Variants in BCKDK observed in about 807,000 individuals in gnomAD.
BCKDK encodes the protein branched chain keto acid dehydrogenase kinase, also known as branched-chain alpha-ketoacid dehydrogenase kinase.
Under a neutral mutation model 43.9 loss-of-function variants are expected in BCKDK, and 28 were observed. That is an observed-to-expected ratio of 0.64 (90% CI 0.47 to 0.87). BCKDK has a LOEUF of 0.87. Ranked by LOEUF, BCKDK falls within the 40% of genes least tolerant of loss-of-function variation. The pLI, the probability that BCKDK is intolerant of heterozygous loss-of-function variation, is 0.00. For missense variants in BCKDK, 483 were observed against 581.4 expected, an observed-to-expected ratio of 0.83 and a Z score of 1.74; for synonymous variants, 257 against 234.3, an observed-to-expected ratio of 1.10 and a Z score of -0.88.
chr16:31,116,395 T>C (rs932937665), downstream of BCKDK, among the ~76,000 whole-genome samples: 37 of 149,512 alleles, frequency 2.5e-4, no homozygotes, highest in African/African-American at 9.1e-4. Flanking sequence ...GTATTTTTAG[T>C]AGAGACGGAG....
At position 31,110,124 on chromosome 16, in the gene BCKDK, G is replaced by C. The variant is rs371525409; in HGVS notation, c.423G>C (p.Pro141=). The C allele has an allele frequency of 4.3e-6, 7 of 1,614,158 alleles. No individual in the cohort carries two copies. The highest frequency in any genetic ancestry group is 5.9e-6 in the Non-Finnish European group (7 of 1,180,030). The change falls in exon 5 of 12, where the codon CCG becomes CCC. Residue 141 remains proline (P), a splice_region_variant and synonymous_variant. Transcript: ENST00000219794. This position sits in a 1 kb window ranked among gnomAD's most constrained non-coding sequence, Gnocchi z 5.4. ...TCCAGAAGCTGACAGACTTCCCTCC[G>C]GTGAGTGCTGGGCCAGAGCAGGGTG... ...RAFQKLTDFP[P]IKDQADEAQY... is the part of the protein sequence containing the mutation.
Position 31,110,425 on chromosome 16 carries a change from T to C in BCKDK, c.568T>C (p.Leu190=). ...GGATGAAAAGCTCGTCCGCTACTTCTTGGACAAGACGCTGACTTCGAGGCT... is the reference window on the plus strand; with the variant it reads ...GGATGAAAAGCTCGTCCGCTACTTCCTGGACAAGACGCTGACTTCGAGGCT... ...IEDEKLVRYF[L]DKTLTSRLGI... is the part of the protein sequence containing the mutation. Residue 190 remains leucine (L), a synonymous_variant, in exon 7 of 12, where the codon TTG becomes CTG. Coordinates refer to ENST00000219794, the MANE Select transcript of BCKDK (RefSeq NM_005881.4). The surrounding 1 kb of genome is among the most constrained non-coding windows in gnomAD (Gnocchi z 5.4). 1 of 1,613,930 alleles carries C rather than the reference T, an allele frequency of 6.2e-7. No homozygotes were observed. Among genetic ancestry groups the C allele is most frequent in the Non-Finnish European group, 8.5e-7 (1 of 1,180,032 alleles).
At position 31,110,938 on chromosome 16, in the gene BCKDK, C is replaced by G; in HGVS notation, c.717-153C>G. 7.3e-7 allele frequency: 1 copy of G among 1,374,988 alleles called. No individual in the cohort carries two copies. Among genetic ancestry groups the G allele is most frequent in the Non-Finnish European group, 1.0e-6 (1 of 1,000,058 alleles). 85.2% of individuals were successfully genotyped at this position (1,374,988 alleles called of 1,614,324 possible). On this transcript the variant is annotated intron_variant, in intron 8 of 11. Coordinates refer to ENST00000219794, the MANE Select transcript of BCKDK (RefSeq NM_005881.4). The surrounding 1 kb of genome is among the most constrained non-coding windows in gnomAD (Gnocchi z 5.4). ...GCTGCCCCGTGCACGTTAGGAAGTT[C>G]AGCAGCATCCCTGGCGCCAGCAGTA...
Position 31,109,253 on chromosome 16 carries a change from T to TC in BCKDK, c.33dup (p.Gly12ArgfsTer116). The TC allele has an allele frequency of 6.5e-7, 1 of 1,544,194 alleles. No individual in the cohort carries two copies. Among genetic ancestry groups the TC allele is most frequent in the Non-Finnish European group, 8.7e-7 (1 of 1,147,072 alleles). On this transcript the variant is annotated frameshift_variant, in exon 2 of 12. Transcript: ENST00000219794. LOFTEE classifies it high-confidence loss of function. This position sits in a 1 kb window ranked among gnomAD's most constrained non-coding sequence, Gnocchi z 5.3. ...TCCTGGCGTCGGTGCTGAGGAGCGG[T>TC]CCCGGGGGCGGGCTTCCGCTCCGGC...
Position 31,109,201 on chromosome 16 carries a change from C to T in BCKDK, c.-23C>T, listed in dbSNP as rs973125808. Reference sequence around the variant, plus strand: ...AGCGGATCCTCAGTCCTAGCGGCCACCGGGTCTGAAAGGAGCAAGACGATG... The same window carrying T: ...AGCGGATCCTCAGTCCTAGCGGCCATCGGGTCTGAAAGGAGCAAGACGATG... On this transcript the variant is annotated 5_prime_UTR_variant, in exon 2 of 12. Coordinates refer to ENST00000219794, the MANE Select transcript of BCKDK (RefSeq NM_005881.4). The surrounding 1 kb of genome is among the most constrained non-coding windows in gnomAD (Gnocchi z 5.3). The T allele has an allele frequency of 4.0e-6, 6 of 1,494,868 alleles. No homozygotes were observed. Among genetic ancestry groups the T allele is most frequent in the Non-Finnish European group, 5.3e-6 (6 of 1,126,638 alleles). The allele number at this position is 1,494,868 out of a possible 1,614,324, so 92.6% of individuals were successfully genotyped here.
chr16:31,111,726 A>G lies in BCKDK; in HGVS notation c.936-143A>G, dbSNP rs149677094. On this transcript the variant is annotated intron_variant, in intron 10 of 11. Coordinates refer to ENST00000219794, the MANE Select transcript of BCKDK (RefSeq NM_005881.4). ...GCCCTGGCAGGGGTGAGGATGATAT[A>G]AACAAGGCCCAAGGGTCTAGGTGGA... 1.1e-4 allele frequency: 120 copies of G among 1,130,556 alleles called. No homozygotes were observed. In the African/African-American group the frequency reaches 1.6e-3, roughly 15 times the overall value. The allele number at this position is 1,130,556 out of a possible 1,614,324, so 70.0% of individuals were successfully genotyped here.
In BCKDK at chr16:31,112,252, G is replaced by A. The variant is rs2057419367; in HGVS notation, c.1226G>A (p.Ser409Asn). The A allele has an allele frequency of 6.2e-7, 1 of 1,609,394 alleles. No individual in the cohort carries two copies. Among genetic ancestry groups the A allele is most frequent in the African/African-American group, 1.3e-5 (1 of 74,946 alleles). Reference sequence around the variant, plus strand: ...CGCCACATCGATGGCCGGGAGGAAAGCTTCCGGATCTGACCCCACAGCCTT... The same window carrying A: ...CGCCACATCGATGGCCGGGAGGAAAACTTCCGGATCTGACCCCACAGCCTT... The part of the protein sequence containing the change: ...RLRHIDGREE[S>N]FRI Residue 409 changes from serine to asparagine, a missense_variant, in exon 12 of 12, where the codon AGC becomes AAC. Transcript: ENST00000219794. This position sits in a 1 kb window ranked among gnomAD's most constrained non-coding sequence, Gnocchi z 5.0.
chr16:31,117,432 A>G (rs1277804187), downstream of BCKDK: 1 of 382,410 alleles, frequency 2.6e-6, no homozygotes, highest in East Asian at 3.7e-5. Context: ...TCATCGCATG[A>G]GGTAAGTCTG....
At chr16:31,114,661 C>T (rs571350773), downstream of BCKDK, among the ~76,000 whole-genome samples, 7 of 152,252 alleles carry the variant, frequency 4.6e-5, no homozygotes, top group Admixed American at 1.3e-4. Flanking sequence ...AGTACCTACC[C>T]GGTCTGGCAC....
In BCKDK at chr16:31,110,325, G is replaced by A. The variant is rs1470007265; in HGVS notation, c.543+1G>A. ...ACGTGAGAGCCGGAAGCACATAGAG[G>A]TTGGGGCAGCAAAGGAGAGGCCGGG... On this transcript the variant is annotated splice_donor_variant, in intron 6 of 11. Transcript: ENST00000219794. LOFTEE classifies it high-confidence loss of function. This position sits in a 1 kb window ranked among gnomAD's most constrained non-coding sequence, Gnocchi z 5.4. 6.2e-7 allele frequency: 1 copy of A among 1,614,056 alleles called. No individual in the cohort carries two copies. Among genetic ancestry groups the A allele is most frequent in the East Asian group, 2.2e-5 (1 of 44,886 alleles).
Position 31,111,182 on chromosome 16 carries a change from G to C in BCKDK, c.808G>C (p.Asp270His). The change falls in exon 9 of 12, where the codon GAC becomes CAC. Residue 270 changes from aspartate to histidine, a missense_variant. By Grantham distance (81) the Asp-to-His change is moderately conservative. Coordinates refer to ENST00000219794, the MANE Select transcript of BCKDK (RefSeq NM_005881.4). ...ARFPFIPMPL[D>H]YILPELLKNA... ...GTTCCCCTTCATCCCTATGCCACTG[G>C]ACTACATCCTGCCGGAGCTGCTCAA... 1.2e-6 allele frequency: 2 copies of C among 1,614,172 alleles called. No homozygotes were observed. Among genetic ancestry groups the C allele is most frequent in the East Asian group, 4.5e-5 (2 of 44,886 alleles).
At position 31,110,622 on chromosome 16, in the gene BCKDK, G is replaced by A. The variant is rs573728679; in HGVS notation, c.643-66G>A. 7.0e-5 allele frequency: 111 copies of A among 1,594,896 alleles called. 1 individual carries two copies. The African/African-American group carries it at 1.1e-3, about 16-fold the overall frequency. ...GGGGCTGGTGCTTTGGGGCAGTTCC[G>A]AAGTTGCCAGCATCTTGGGGTGGGG... On this transcript the variant is annotated intron_variant, in intron 7 of 11. Coordinates refer to ENST00000219794, the MANE Select transcript of BCKDK (RefSeq NM_005881.4). The surrounding 1 kb of genome is among the most constrained non-coding windows in gnomAD (Gnocchi z 5.4).
chr16:31,109,322 G>A lies in BCKDK; in HGVS notation c.99G>A (p.Ser33=), dbSNP rs769637824. The A allele has an allele frequency of 1.1e-5, 18 of 1,608,574 alleles. No homozygotes were observed. The highest frequency in any genetic ancestry group is 1.4e-5 in the Non-Finnish European group (17 of 1,177,382). Residue 33 remains serine (S), a synonymous_variant, in exon 2 of 12, where the codon TCG becomes TCA. Coordinates refer to ENST00000219794, the MANE Select transcript of BCKDK (RefSeq NM_005881.4). The surrounding 1 kb of genome is among the most constrained non-coding windows in gnomAD (Gnocchi z 5.3). ...TCGCGCTCCGGGCCCGCTCGACGTC[G>A]GCCACCGACACACACCACGTGGAGA... ...PALALRARST[S]ATDTHHVEMA... is the part of the protein sequence containing the mutation.
Position 31,109,141 on chromosome 16 carries a change from T to G in BCKDK, c.-83T>G. On this transcript the variant is annotated 5_prime_UTR_variant, in exon 2 of 12. Transcript: ENST00000219794. This position sits in a 1 kb window ranked among gnomAD's most constrained non-coding sequence, Gnocchi z 5.3. The stretch of plus-strand genomic sequence containing the variant: ...AGAGCCCCTACCCACCCACACCCCC[T>G]TGCCCCATTTTGGGTCGCCTGGGTC... 11 of 626,470 alleles carry G rather than the reference T, an allele frequency of 1.8e-5. No individual in the cohort carries two copies. The highest frequency in any genetic ancestry group is 5.1e-5 in the East Asian group (1 of 19,418). The allele number at this position is 626,470 out of a possible 1,614,324, so 38.8% of individuals were successfully genotyped here. A position where few individuals can be genotyped will look rare whatever the true frequency, so the allele number is the denominator to read the frequency against.
At position 31,108,948 on chromosome 16, in the gene BCKDK, G is replaced by A. The variant is rs1350519853; in HGVS notation, c.-177-99G>A. 1.3e-5 allele frequency: 4 copies of A among 317,506 alleles called. No individual in the cohort carries two copies. Among genetic ancestry groups the A allele is most frequent in the African/African-American group, 8.6e-5 (4 of 46,508 alleles). 19.7% of individuals were successfully genotyped at this position (317,506 alleles called of 1,614,324 possible). A position where few individuals can be genotyped will look rare whatever the true frequency, so the allele number is the denominator to read the frequency against. ...GGGGAGACGGTGGGAGTGGTGGGGA[G>A]AGGTCGCCCGGGTCTGGGGAGACCG... On this transcript the variant is annotated intron_variant, in intron 1 of 11. Transcript: ENST00000219794. The surrounding 1 kb of genome is among the most constrained non-coding windows in gnomAD (Gnocchi z 6.2).
chr16:31,109,333 C>G lies in BCKDK; in HGVS notation c.110C>G (p.Thr37Arg), dbSNP rs1370614738. The change falls in exon 2 of 12, where the codon ACA becomes AGA. Residue 37 changes from threonine to arginine, a missense_variant. Physicochemically the swap from Thr to Arg is moderately conservative, Grantham distance 71. Coordinates refer to ENST00000219794, the MANE Select transcript of BCKDK (RefSeq NM_005881.4). This position sits in a 1 kb window ranked among gnomAD's most constrained non-coding sequence, Gnocchi z 5.3. ...LRARSTSATDTHHVEMARERS... is the reference protein window; with the variant it reads ...LRARSTSATDRHHVEMARERS... Reference sequence around the variant, plus strand: ...GCCCGCTCGACGTCGGCCACCGACACACACCACGTGGAGATGGCTCGGGAG... The same window carrying G: ...GCCCGCTCGACGTCGGCCACCGACAGACACCACGTGGAGATGGCTCGGGAG... The G allele has an allele frequency of 6.2e-7, 1 of 1,610,210 alleles. No homozygotes were observed. Among genetic ancestry groups the G allele is most frequent in the South Asian group, 1.1e-5 (1 of 90,904 alleles).
In BCKDK at chr16:31,112,383, C is replaced by G; in HGVS notation, c.*118C>G. On this transcript the variant is annotated 3_prime_UTR_variant, in exon 12 of 12. Transcript: ENST00000219794. The surrounding 1 kb of genome is among the most constrained non-coding windows in gnomAD (Gnocchi z 5.0). ...ACTGCTGCATCTTGGGTCTCAGGGA[C>G]CCAGACAGATGGACTTACATGGAGC... The G allele has an allele frequency of 1.3e-6, 2 of 1,492,856 alleles. No homozygotes were observed. Among genetic ancestry groups the G allele is most frequent in the Non-Finnish European group, 1.8e-6 (2 of 1,093,284 alleles). 92.5% of individuals were successfully genotyped at this position (1,492,856 alleles called of 1,614,324 possible). A position where few individuals can be genotyped will look rare whatever the true frequency, so the allele number is the denominator to read the frequency against.
rs1414828775 is a variant in BCKDK at position 31,109,257 on chromosome 16, G to A, written c.34G>A (p.Gly12Arg). ...GGCGTCGGTGCTGAGGAGCGGTCCC[G>A]GGGGCGGGCTTCCGCTCCGGCCCCT... ...ILASVLRSGPGGGLPLRPLLG... is the reference protein window; with the variant it reads ...ILASVLRSGPRGGLPLRPLLG... Residue 12 changes from glycine (G) to arginine (R), a missense_variant, in exon 2 of 12, where the codon GGG (glycine) becomes AGG (arginine). Coordinates refer to ENST00000219794, the MANE Select transcript of BCKDK (RefSeq NM_005881.4). The surrounding 1 kb of genome is among the most constrained non-coding windows in gnomAD (Gnocchi z 5.3). 13 of 1,550,638 alleles carry A rather than the reference G, an allele frequency of 8.4e-6. No homozygotes were observed. Among genetic ancestry groups the A allele is most frequent in the East Asian group, 2.3e-5 (1 of 44,184 alleles).
downstream of BCKDK, among the ~76,000 whole-genome samples, chr16:31,116,597 G>A (rs1165762160): frequency 6.6e-6 from 1 of 151,892 alleles, no homozygotes; most frequent in Non-Finnish European, 1.5e-5. Context: ...ATCCCAAATA[G>A]GGGAAGTAGT....
Sources: allele counts gnomAD v4.1 joint callset (sites outside exome capture counted in the v4.1 genomes callset), GRCh38; gene constraint gnomAD v4.1.1; non-coding constraint Gnocchi (gnomAD v3.1); transcripts MANE v1.5; gene names NCBI Gene and HGNC (gene_info 2026-07-23, HGNC 2026-07-21).